The following TSPOAP1 variants were observed in gnomAD, a reference collection of about 807,000 sequenced individuals.
TSPOAP1 encodes peripheral-type benzodiazepine receptor-associated protein 1.
A neutral mutation model predicts 197.0 loss-of-function variants in TSPOAP1; 87 were observed. The ratio of observed to expected loss-of-function variants is 0.44; its 90% CI spans 0.37 to 0.53. TSPOAP1 has a LOEUF of 0.53. Among genes scored for constraint, TSPOAP1 ranks in the 20% least tolerant of loss-of-function variants. The pLI, the probability that TSPOAP1 is intolerant of heterozygous loss-of-function variation, is 0.00. For synonymous variants in TSPOAP1, 913 were observed against 998.9 expected (o/e 0.91, Z 1.62); for missense variants, 2,174 against 2,411.3 (o/e 0.90, Z 2.06).
intron 25 of TSPOAP1, 117 bp downstream of exon 25, chr17:58,306,683 A>C: frequency 7.6e-7 from 1 of 1,311,094 alleles, no homozygotes; most frequent in South Asian, 1.4e-5. Context: ...GGCAGGCTCC[A>C]AGGCTCTGCT....
intron 12 of TSPOAP1, among the ~76,000 whole-genome samples, chr17:58,319,713 G>C (rs890765155): frequency 9.9e-5 from 15 of 152,246 alleles, no homozygotes; most frequent in Admixed American, 8.5e-4. Flanking sequence ...CCCTGAGAGA[G>C]GCGGGCAGGA....
chr17:58,320,641 AG>A, intron 10 of TSPOAP1, 60 bp from the exon 11 acceptor site: 1 of 1,292,670 alleles, frequency 7.7e-7, no homozygotes, highest in Non-Finnish European at 1.0e-6. Flanking sequence ...TGGAGTAGAG[AG>A]GGCTGCGAGG....
rs189010743 is a variant in TSPOAP1, at chr17:58,326,832, C to A, written c.334-42G>T. The A allele has an allele frequency of 3.6e-5, 56 of 1,539,292 alleles. No homozygotes were observed. Among genetic ancestry groups the A allele is most frequent in the Admixed American group, 1.7e-4 (10 of 59,634 alleles). Reference sequence around the variant, plus strand: ...CCGAGGACAGCACCTCAGAAACCCACGTCACCCAGCCAGAGCCTTCCCTGT... The same window carrying A: ...CCGAGGACAGCACCTCAGAAACCCAAGTCACCCAGCCAGAGCCTTCCCTGT... On this transcript the variant is annotated intron_variant, in intron 1 of 31. Coordinates refer to ENST00000343736, the MANE Select transcript of TSPOAP1 (RefSeq NM_004758.4). The surrounding 1 kb of genome is among the most constrained non-coding windows in gnomAD (Gnocchi z 4.7).
chr17:58,310,383 C>G (rs1034608231), intron 20 of TSPOAP1, 129 bp downstream of exon 20: 1 of 1,397,058 alleles, frequency 7.2e-7, no homozygotes. Flanking sequence ...ACACATAGCA[C>G]AGCCAAAGGT....
intron 10 of TSPOAP1, 78 bp from the exon 11 acceptor site, chr17:58,320,659 G>A: frequency 3.5e-6 from 4 of 1,155,984 alleles, no homozygotes; most frequent in Non-Finnish European, 4.6e-6. Context: ...GAGGGAGGAA[G>A]GGTAGAAAGG....
Position 58,312,173 on chromosome 17 carries a change from A to C in TSPOAP1, c.2648T>G (p.Val883Gly). The stretch of plus-strand genomic sequence containing the variant: ...ATGGACCCGCAGCTGGCTGGGCACC[A>C]CTCCGGCCCGGGCACCCACCGCCAA... Reference protein sequence around the residue: ...CCLAVGARAGVVPSQLRVHRL... With the variant: ...CCLAVGARAGGVPSQLRVHRL... Residue 883 changes from valine (V) to glycine (G), a missense_variant, in exon 17 of 32, where the codon GTG becomes GGG. Val to Gly is a moderately radical substitution (Grantham distance 109). Transcript: ENST00000343736. 1 of 1,612,842 alleles carries C rather than the reference A, an allele frequency of 6.2e-7. No individual in the cohort carries two copies. The highest frequency in any genetic ancestry group is 8.5e-7 in the Non-Finnish European group (1 of 1,179,948).
chr17:58,310,111 C>A lies in TSPOAP1; in HGVS notation c.3747G>T (p.Val1249=). ...ELGVHLVNSL[V]DHGRNSDLSD... is the part of the protein sequence containing the mutation. ...ACAGGTCTGAGTTGCGGCCGTGGTC[C>A]ACGAGGGAGTTCACCAGATGAACCC... Residue 1249 remains valine (V), a synonymous_variant, in exon 21 of 32, where the codon GTG becomes GTT. Transcript: ENST00000343736. 4.3e-6 allele frequency: 7 copies of A among 1,613,396 alleles called. No homozygotes were observed. The highest frequency in any genetic ancestry group is 5.9e-6 in the Non-Finnish European group (7 of 1,180,022).
intron 18 of TSPOAP1, 152 bp downstream of exon 18, chr17:58,311,419 G>A (rs1598063141): frequency 7.8e-7 from 1 of 1,274,222 alleles, no homozygotes; most frequent in East Asian, 2.5e-5. Context: ...TCTGTCATGT[G>A]CTGCCAAAGC....
chr17:58,325,326 C>G (rs556263975), intron 4 of TSPOAP1: 17 of 663,544 alleles, frequency 2.6e-5, no homozygotes, highest in Non-Finnish European at 3.8e-5. Flanking sequence ...AGCCTCAAGC[C>G]TGGAGCACAG....
At position 58,309,028 on chromosome 17, in the gene TSPOAP1, G is replaced by C. The variant is rs761407091; in HGVS notation, c.4244C>G (p.Pro1415Arg). 1 of 1,611,436 alleles carries C rather than the reference G, an allele frequency of 6.2e-7. No individual in the cohort carries two copies. Among genetic ancestry groups the C allele is most frequent in the Non-Finnish European group, 8.5e-7 (1 of 1,179,550 alleles). Residue 1415 changes from proline (P) to arginine (R), a missense_variant, in exon 22 of 32, where the codon CCC (proline) becomes CGC (arginine). By Grantham distance (103) the Pro-to-Arg change is moderately radical (BLOSUM62 -2). Transcript: ENST00000343736. The surrounding 1 kb of genome is among the most constrained non-coding windows in gnomAD (Gnocchi z 5.0). ...RRRGGGSPEK[P>R]PSRRRPPDPR... is the part of the protein sequence containing the mutation. The stretch of plus-strand genomic sequence containing the variant: ...ATCTGGAGGCCGCCTGCGGCTTGGG[G>C]GCTTCTCAGGGGAGCCCCCTCCTCT...
At chr17:58,316,844 C>T (rs1045756873) in intron 14 of TSPOAP1, among the ~76,000 whole-genome samples, 9 of 152,232 alleles carry the variant, frequency 5.9e-5, no homozygotes, top group African/African-American at 2.2e-4. Flanking sequence ...GGGGCCCAGG[C>T]CATGCTGGTG....
Position 58,308,938 on chromosome 17 carries a change from G to A in TSPOAP1, c.4334C>T (p.Pro1445Leu). ...NGPQASGRLG[P>L]TRERGGLPVI... Reference sequence around the variant, plus strand: ...GGGGAGGCCACCCCTCTCCCGTGTGGGGCCCAGTCGTCCAGAGGCCTGGGG... The same window carrying A: ...GGGGAGGCCACCCCTCTCCCGTGTGAGGCCCAGTCGTCCAGAGGCCTGGGG... Residue 1445 changes from proline to leucine, a missense_variant, in exon 22 of 32, where the codon CCC (proline) becomes CTC (leucine). Physicochemically the swap from Pro to Leu is moderately conservative, Grantham distance 98 (BLOSUM62 -3). Transcript: ENST00000343736. The A allele has an allele frequency of 6.2e-7, 1 of 1,601,944 alleles. No homozygotes were observed. The highest frequency in any genetic ancestry group is 8.5e-7 in the Non-Finnish European group (1 of 1,174,376).
intron 1 of TSPOAP1, among the ~76,000 whole-genome samples, chr17:58,327,063 G>A (rs1454334460): frequency 2.0e-5 from 3 of 151,914 alleles, no homozygotes; most frequent in Non-Finnish European, 2.9e-5. Flanking sequence ...AGGGACATGC[G>A]AGCTCGAGCT....
chr17:58,316,623 G>A, intron 14 of TSPOAP1, 83 bp from the exon 15 acceptor site: 18 of 1,109,422 alleles, frequency 1.6e-5, no homozygotes, highest in Non-Finnish European at 2.3e-5. Context: ...CTGAGCCAGA[G>A]GACCTATTGC....
At position 58,302,171 on chromosome 17, in the gene TSPOAP1, G is replaced by A. The variant is rs1250587458; in HGVS notation, c.*309C>T. ...TGCCACAGTGTTAACGCAGAAGAAC[G>A]GGGGCTCTGGGCCCAGTCTGAGCCT... On this transcript the variant is annotated 3_prime_UTR_variant, in exon 32 of 32. Coordinates refer to ENST00000343736, the MANE Select transcript of TSPOAP1 (RefSeq NM_004758.4). The A allele has an allele frequency of 1.7e-5, 19 of 1,115,514 alleles. No individual in the cohort carries two copies. The highest frequency in any genetic ancestry group is 6.3e-5 in the Admixed American group (2 of 31,954). The allele number at this position is 1,115,514 out of a possible 1,614,324, so 69.1% of individuals were successfully genotyped here. A position where few individuals can be genotyped will look rare whatever the true frequency, so the allele number is the denominator to read the frequency against.
At chr17:58,316,327 G>GC in intron 15 of TSPOAP1, 98 bp downstream of exon 15, 2 of 1,200,002 alleles carry the variant, frequency 1.7e-6, no homozygotes, top group Non-Finnish European at 2.4e-6. Flanking sequence ...GTCCTGTACT[G>GC]CCCCCACCAC....
chr17:58,322,981 C>T lies in TSPOAP1; in HGVS notation c.1163G>A (p.Arg388Gln), dbSNP rs1303089085. The change falls in exon 8 of 32, where the codon CGG becomes CAG. Residue 388 changes from arginine to glutamine, a missense_variant. By Grantham distance (43) the Arg-to-Gln change is conservative. Around this residue, in one of 5 missense-constraint regions of TSPOAP1, gnomAD observed 1,933 missense variants for 2,139.0 expected, o/e 0.90. Coordinates refer to ENST00000343736, the MANE Select transcript of TSPOAP1 (RefSeq NM_004758.4). The surrounding 1 kb of genome is among the most constrained non-coding windows in gnomAD (Gnocchi z 5.0). Reference sequence around the variant, plus strand: ...CTTCTCTGTGGCTCTCCCACTGAGCCGGGAGTTCTCCTCCACCAGGCGGGC... The same window carrying T: ...CTTCTCTGTGGCTCTCCCACTGAGCTGGGAGTTCTCCTCCACCAGGCGGGC... ...ENARLVEENS[R>Q]LSGRATEKEQ... The T allele has an allele frequency of 7.4e-6, 12 of 1,611,368 alleles. No homozygotes were observed. The East Asian group carries it at 2.0e-4, about 27-fold the overall frequency.
chr17:58,325,355 C>G, intron 4 of TSPOAP1, 179 bp downstream of exon 4: 1 of 781,820 alleles, frequency 1.3e-6, no homozygotes, highest in Non-Finnish European at 2.0e-6. Flanking sequence ...AGGTCTGGGA[C>G]TCATGGCTCC....
intron 4 of TSPOAP1, 47 bp from the exon 5 acceptor site, chr17:58,325,049 T>C (rs1971533781): frequency 5.5e-6 from 8 of 1,451,178 alleles, no homozygotes; most frequent in Non-Finnish European, 7.3e-6. Context: ...GCCTAATCCT[T>C]GCCCGCCCCA....
Sources: allele counts gnomAD v4.1 joint callset (sites outside exome capture counted in the v4.1 genomes callset), GRCh38; gene constraint gnomAD v4.1.1; regional missense constraint gnomAD v4.1.1; non-coding constraint Gnocchi (gnomAD v3.1); transcripts MANE v1.5; gene names NCBI Gene and HGNC (gene_info 2026-07-23, HGNC 2026-07-21).